Variants in CPQ observed in about 807,000 individuals in gnomAD.
CPQ encodes the protein carboxypeptidase Q.
In CPQ, 37 loss-of-function variants were observed where a neutral mutation model predicts 45.7. The observed-to-expected ratio is 0.81, with a 90% CI of 0.62 to 1.07. The LOEUF (loss-of-function observed/expected upper bound fraction) is 1.07, where lower values mean the gene tolerates loss of function less well. CPQ is among the 50% of genes least tolerant of loss of function. CPQ has a pLI of 0.00. For synonymous variants in CPQ, 186 were observed against 205.8 expected, an observed-to-expected ratio of 0.90 and a Z score of 0.82; for missense variants, 537 against 572.9, an observed-to-expected ratio of 0.94 and a Z score of 0.64.
At position 97,119,307 on chromosome 8, in the gene CPQ, C is replaced by T. The variant is rs187539258; in HGVS notation, c.1256-23713C>T. 8.8e-4 allele frequency among the ~76,000 whole-genome samples: 115 copies of T among 130,066 alleles called. 1 individual carries two copies. In the East Asian group the frequency reaches 0.017, roughly 20 times the overall value. The allele number at this position is 130,066 out of a possible 152,430, so 85.3% of individuals were successfully genotyped here. On this transcript the variant is annotated intron_variant, in intron 7 of 7. Coordinates refer to ENST00000220763, the MANE Select transcript of CPQ (RefSeq NM_016134.4). ...TGGTGCCACTGCACTCCAGCCTGGACGACAGAGTGAGACTCCATCTCAAAA... is the reference window on the plus strand; with the variant it reads ...TGGTGCCACTGCACTCCAGCCTGGATGACAGAGTGAGACTCCATCTCAAAA...
chr8:96,934,603 C>T (rs897080320), intron 4 of CPQ, among the ~76,000 whole-genome samples: 2 of 152,236 alleles, frequency 1.3e-5, no homozygotes, highest in East Asian at 3.9e-4. Context: ...GTCTGTGCGA[C>T]CATTCATCTT....
chr8:96,909,028 A>G (rs1812621364), intron 4 of CPQ, among the ~76,000 whole-genome samples: 1 of 152,136 alleles, frequency 6.6e-6, no homozygotes, highest in African/African-American at 2.4e-5. Context: ...GCCACTTGTG[A>G]TGGCAATTTA....
At chr8:96,828,681 C>T (rs770250548) in intron 2 of CPQ, among the ~76,000 whole-genome samples, 3 of 152,004 alleles carry the variant, frequency 2.0e-5, no homozygotes, top group Non-Finnish European at 4.4e-5. Flanking sequence ...TCATGAAAGC[C>T]GTCCCTCACT....
At chr8:97,123,177 TATAAA>T (rs1182362136) in intron 7 of CPQ, among the ~76,000 whole-genome samples, 242 of 23,742 alleles carry the variant, frequency 0.01, 9 homozygotes, top group East Asian at 0.019. Flanking sequence ...TAAAATAAAA[TATAAA>T]ATAAAATAAA....
At chr8:96,677,780 C>A (rs1432692845) in intron 1 of CPQ, among the ~76,000 whole-genome samples, 6 of 151,984 alleles carry the variant, frequency 3.9e-5, no homozygotes, top group African/African-American at 1.4e-4. Context: ...CCAATGTTAT[C>A]TTCTAGAATA....
At chr8:96,949,845 G>A (rs1813235343) in intron 4 of CPQ, among the ~76,000 whole-genome samples, 1 of 152,044 alleles carries the variant, frequency 6.6e-6, no homozygotes, top group Non-Finnish European at 1.5e-5. Flanking sequence ...CAGGTTCCCT[G>A]ACTTCAGACT....
chr8:96,740,044 A>G (rs1416913390), intron 1 of CPQ, among the ~76,000 whole-genome samples: 1 of 152,046 alleles, frequency 6.6e-6, no homozygotes, highest in Non-Finnish European at 1.5e-5. Flanking sequence ...TCTATAAATT[A>G]CCTTGGGCAG....
At chr8:97,120,448 C>T (rs539984774) in intron 7 of CPQ, among the ~76,000 whole-genome samples, 18 of 151,280 alleles carry the variant, frequency 1.2e-4, no homozygotes, top group African/African-American at 1.7e-4. Flanking sequence ...ATTTATGGCA[C>T]AGATAAATTA....
chr8:96,709,015 T>G (rs1809571780), intron 1 of CPQ, among the ~76,000 whole-genome samples: 2 of 152,176 alleles, frequency 1.3e-5, no homozygotes, highest in African/African-American at 2.4e-5. Flanking sequence ...TTGCTGAGAT[T>G]CTCATTTGTT....
At chr8:96,702,146 C>T (rs1809470150) in intron 1 of CPQ, among the ~76,000 whole-genome samples, 1 of 152,192 alleles carries the variant, frequency 6.6e-6, no homozygotes, top group Non-Finnish European at 1.5e-5. Flanking sequence ...CTTCTTTGGC[C>T]TGTGGACGGT....
chr8:97,029,279 C>A, intron 5 of CPQ, 124 bp from the exon 6 acceptor site: 1 of 876,138 alleles, frequency 1.1e-6, no homozygotes, highest in Non-Finnish European at 1.8e-6. Context: ...GACAACCACA[C>A]CAGTGAGAGT....
intron 5 of CPQ, among the ~76,000 whole-genome samples, chr8:96,986,111 C>T (rs367979598): frequency 5.9e-5 from 9 of 152,302 alleles, no homozygotes; most frequent in Middle Eastern, 3.4e-3. Flanking sequence ...ACTGCATCTA[C>T]AGCCACTGCT....
intron 4 of CPQ, among the ~76,000 whole-genome samples, chr8:96,934,656 C>T (rs1268286436): frequency 6.6e-6 from 1 of 152,156 alleles, no homozygotes; most frequent in Non-Finnish European, 1.5e-5. Context: ...TTGCTGCCAC[C>T]TGGGCTAAAC....
intron 3 of CPQ, among the ~76,000 whole-genome samples, chr8:96,859,466 C>G (rs1423049708): frequency 6.6e-6 from 1 of 152,252 alleles, no homozygotes; most frequent in East Asian, 1.9e-4. Context: ...GTCCCAGCAG[C>G]TTCCCTCTGC....
intron 7 of CPQ, among the ~76,000 whole-genome samples, chr8:97,128,577 C>T (rs986464870): frequency 2.0e-4 from 30 of 152,070 alleles, no homozygotes; most frequent in African/African-American, 4.8e-4. Flanking sequence ...CCCAGCTACT[C>T]AGGAGGCTGA....
chr8:96,798,665 C>G (rs1563499768), intron 2 of CPQ, among the ~76,000 whole-genome samples: 1 of 151,940 alleles, frequency 6.6e-6, no homozygotes, highest in Non-Finnish European at 1.5e-5. Flanking sequence ...CCCAACTCAA[C>G]CCCTCTCTGC....
At chr8:97,038,660 T>C (rs1435396376) in intron 6 of CPQ, among the ~76,000 whole-genome samples, 1 of 152,110 alleles carries the variant, frequency 6.6e-6, no homozygotes, top group Non-Finnish European at 1.5e-5. Flanking sequence ...TCTGCCCTTT[T>C]GTTTTCTAAA....
At chr8:97,057,750 C>T (rs1810479025) in intron 6 of CPQ, among the ~76,000 whole-genome samples, 1 of 152,058 alleles carries the variant, frequency 6.6e-6, no homozygotes, top group African/African-American at 2.4e-5. Flanking sequence ...TCTTTTAGTA[C>T]AGTATTTGGA....
rs1327452490 is a variant in CPQ, at chr8:97,122,981, TTA to T, written c.1256-20038_1256-20037del. On this transcript the variant is annotated intron_variant, in intron 7 of 7. Coordinates refer to ENST00000220763, the MANE Select transcript of CPQ (RefSeq NM_016134.4). Reference sequence around the variant, plus strand: ...TAAAATAAAATAAAATAAAATAAAATTAAAATAAAATAAAATAAAATATAAAA... The same window carrying T: ...TAAAATAAAATAAAATAAAATAAAATAAATAAAATAAAATAAAATATAAAA... Among the ~76,000 whole-genome samples, 23 of 24,268 alleles carry T rather than the reference TTA, an allele frequency of 9.5e-4. 3 individuals are homozygous for T. Among genetic ancestry groups the T allele is most frequent in the African/African-American group, 4.8e-3 (20 of 4,148 alleles). 15.9% of individuals were successfully genotyped at this position (24,268 alleles called of 152,430 possible).
Sources: allele counts gnomAD v4.1 joint callset (sites outside exome capture counted in the v4.1 genomes callset), GRCh38; gene constraint gnomAD v4.1.1; transcripts MANE v1.5; gene names NCBI Gene and HGNC (gene_info 2026-07-23, HGNC 2026-07-21).